CCDC3: variants seen among roughly 807,000 people sequenced by gnomAD.
CCDC3 encodes the protein coiled-coil domain containing 3, also known as coiled-coil domain-containing protein 3.
Under a neutral mutation model 21.4 loss-of-function variants are expected in CCDC3, and 24 were observed. The observed-to-expected ratio is 1.12, with a 90% CI of 0.81 to 1.58. The LOEUF is 1.58. Among genes scored for constraint, CCDC3 ranks in the 40% most tolerant of loss-of-function variants. The pLI, the probability that CCDC3 is intolerant of heterozygous loss-of-function variation, is 0.00. For missense variants in CCDC3, 425 were observed against 360.9 expected (o/e 1.18, Z -1.44); for synonymous variants, 186 against 166.0 (o/e 1.12, Z -0.93).
At chr10:12,971,022 T>C (rs192974856) in intron 2 of CCDC3, among the ~76,000 whole-genome samples, 1 of 152,370 alleles carries the variant, frequency 6.6e-6, no homozygotes, top group East Asian at 1.9e-4. Flanking sequence ...ATCTACTTAC[T>C]GATGTAATGT....
intron 2 of CCDC3, among the ~76,000 whole-genome samples, chr10:12,899,040 T>C (rs543003971): frequency 6.6e-6 from 1 of 152,036 alleles, no homozygotes; most frequent in African/African-American, 2.4e-5. Context: ...GTTCCGGGAA[T>C]GGGGGGAGTC....
At chr10:12,986,932 G>C (rs1283214965) in intron 2 of CCDC3, among the ~76,000 whole-genome samples, 5 of 151,962 alleles carry the variant, frequency 3.3e-5, no homozygotes. Context: ...AGAAAGAAAT[G>C]ATACACCACA....
intron 4 of CCDC3, among the ~76,000 whole-genome samples, chr10:13,059,094 G>A (rs1836719595): frequency 6.6e-6 from 1 of 152,308 alleles, no homozygotes; most frequent in African/African-American, 2.4e-5. Context: ...TTGGTGTTGT[G>A]CTCCCTCCCA....
upstream of CCDC3, among the ~76,000 whole-genome samples, chr10:13,006,668 A>G (rs1446895894): frequency 1.3e-5 from 2 of 152,206 alleles, no homozygotes; most frequent in Non-Finnish European, 2.9e-5. Flanking sequence ...GTCAGTTGTC[A>G]ACTTTGGTCC....
intron 3 of CCDC3, among the ~76,000 whole-genome samples, chr10:13,079,292 A>C (rs1226655422): frequency 1.3e-5 from 2 of 151,710 alleles, no homozygotes; most frequent in Admixed American, 1.3e-4. Context: ...CTTAGGGGTA[A>C]GGAATCGAGA....
At chr10:13,036,821 C>T (rs1256494554) in intron 5 of CCDC3, among the ~76,000 whole-genome samples, 2 of 150,126 alleles carry the variant, frequency 1.3e-5, no homozygotes, top group Non-Finnish European at 3.0e-5. Flanking sequence ...ATGGGGTCAC[C>T]CAGGCTGGAG....
At chr10:13,027,219 G>T (rs1836234774) in intron 5 of CCDC3, among the ~76,000 whole-genome samples, 1 of 151,752 alleles carries the variant, frequency 6.6e-6, no homozygotes, top group Non-Finnish European at 1.5e-5. Context: ...GTCCGTAGGG[G>T]AATCTTAGCA....
At chr10:12,964,003 T>C (rs1835220910) in intron 2 of CCDC3, among the ~76,000 whole-genome samples, 1 of 152,160 alleles carries the variant, frequency 6.6e-6, no homozygotes, top group Admixed American at 6.5e-5. Flanking sequence ...AAGGTACAAG[T>C]CAGTGATACA....
At chr10:13,058,432 T>G (rs1836711021) in intron 4 of CCDC3, 1 of 773,418 alleles carries the variant, frequency 1.3e-6, no homozygotes, top group African/African-American at 1.7e-5. Flanking sequence ...ATTTTGGCAG[T>G]TCGTGTGCAT....
intron 2 of CCDC3, among the ~76,000 whole-genome samples, chr10:12,944,775 T>A (rs923879603): frequency 1.3e-5 from 2 of 152,346 alleles, no homozygotes; most frequent in East Asian, 3.9e-4. Context: ...TAGTACAAAA[T>A]TTGTTAGCAA....
At chr10:12,966,716 T>C (rs139415606) in intron 2 of CCDC3, among the ~76,000 whole-genome samples, 141 of 152,312 alleles carry the variant, frequency 9.3e-4, no homozygotes, top group African/African-American at 3.2e-3. Flanking sequence ...CTGTATCATC[T>C]TCATCAGTTA....
chr10:12,949,031 T>C (rs1834969793), intron 2 of CCDC3, among the ~76,000 whole-genome samples: 9 of 152,114 alleles, frequency 5.9e-5, no homozygotes, highest in Admixed American at 5.9e-4. Flanking sequence ...CATGACATTA[T>C]GGGGATACCT....
intron 2 of CCDC3, among the ~76,000 whole-genome samples, chr10:12,919,643 G>C (rs1295544291): frequency 2.0e-5 from 3 of 151,938 alleles, no homozygotes; most frequent in Non-Finnish European, 1.5e-5. Flanking sequence ...TCTTTAAAGG[G>C]ATTATCGGCT....
chr10:13,094,586 C>A (rs960991646), intron 3 of CCDC3, among the ~76,000 whole-genome samples: 1 of 151,866 alleles, frequency 6.6e-6, no homozygotes, highest in Non-Finnish European at 1.5e-5. Flanking sequence ...GAGGCAGGCC[C>A]GGCACAGAGA....
At chr10:13,049,331 T>A (rs965972644) in intron 5 of CCDC3, among the ~76,000 whole-genome samples, 2 of 152,156 alleles carry the variant, frequency 1.3e-5, no homozygotes, top group Admixed American at 6.5e-5. Flanking sequence ...AATACAAGAA[T>A]CATGAAGGGA....
intron 2 of CCDC3, among the ~76,000 whole-genome samples, chr10:12,929,006 G>A (rs1160886864): frequency 6.6e-6 from 1 of 152,140 alleles, no homozygotes; most frequent in East Asian, 1.9e-4. Flanking sequence ...GCTCATGCCT[G>A]TAATCCCAGC....
chr10:13,081,804 C>T (rs945166508), intron 3 of CCDC3, among the ~76,000 whole-genome samples: 1 of 152,238 alleles, frequency 6.6e-6, no homozygotes, highest in African/African-American at 2.4e-5. Flanking sequence ...AATATTCCAT[C>T]TGCACTCTAA....
At chr10:12,932,486 T>C (rs1338899676) in intron 2 of CCDC3, among the ~76,000 whole-genome samples, 1 of 152,232 alleles carries the variant, frequency 6.6e-6, no homozygotes, top group Non-Finnish European at 1.5e-5. Context: ...AGACCATCCA[T>C]AGGAAAGCAA....
chr10:13,081,675 C>A (rs1469356664), intron 3 of CCDC3, among the ~76,000 whole-genome samples: 1 of 152,134 alleles, frequency 6.6e-6, no homozygotes, highest in Non-Finnish European at 1.5e-5. Context: ...GTTTAGTTAT[C>A]ACTCCTCCCA....
Sources: gnomAD v4.1 joint callset for allele counts (sites outside exome capture counted in the v4.1 genomes callset) on GRCh38, gnomAD v4.1.1 for gene constraint, MANE v1.5 for transcripts, NCBI Gene and HGNC (gene_info 2026-07-23, HGNC 2026-07-21) for gene names.